The following HPS3 variants were observed in gnomAD, a reference collection of about 807,000 sequenced individuals.
HPS3 encodes the protein HPS3 biogenesis of lysosomal organelles complex 2 subunit 1, also known as BLOC-2 complex member HPS3.
In HPS3, 79 loss-of-function variants were observed where a neutral mutation model predicts 110.9. The ratio of observed to expected loss-of-function variants is 0.71; its 90% CI spans 0.59 to 0.86. HPS3 has a LOEUF of 0.86. Ranked by LOEUF, HPS3 falls within the 40% of genes least tolerant of loss-of-function variation. HPS3 has a pLI of 0.00. For missense variants in HPS3, 1,197 were observed against 1,206.2 expected (o/e 0.99, Z 0.11); for synonymous variants, 428 against 451.0 (o/e 0.95, Z 0.65).
intron 5 of HPS3, among the ~76,000 whole-genome samples, chr3:149,148,710 T>G (rs1576675769): frequency 6.6e-6 from 1 of 151,850 alleles, no homozygotes; most frequent in African/African-American, 2.4e-5. Context: ...CGGCCATTTT[T>G]TTTTTTTTGT....
intron 6 of HPS3, among the ~76,000 whole-genome samples, chr3:149,152,992 C>G (rs1232940803): frequency 6.6e-6 from 1 of 152,218 alleles, no homozygotes; most frequent in Non-Finnish European, 1.5e-5. Flanking sequence ...AACATACAAG[C>G]ATTTCTTTCA....
At chr3:149,152,966 A>T (rs553713296) in intron 6 of HPS3, among the ~76,000 whole-genome samples, 1 of 152,206 alleles carries the variant, frequency 6.6e-6, no homozygotes, top group African/African-American at 2.4e-5. Flanking sequence ...ACAGACTAAC[A>T]GTCAGGGGCC....
At chr3:149,158,874 A>G in intron 10 of HPS3, 28 bp downstream of exon 10, 4 of 1,442,750 alleles carry the variant, frequency 2.8e-6, no homozygotes, top group Non-Finnish European at 3.9e-6. Flanking sequence ...TTTTCTATCT[A>G]ATATTTTTAA....
chr3:149,149,077 C>G (rs1191023913), intron 5 of HPS3, among the ~76,000 whole-genome samples: 1 of 151,180 alleles, frequency 6.6e-6, no homozygotes, highest in African/African-American at 2.4e-5. Flanking sequence ...CCTCAGCCTC[C>G]CGAGTAGCTA....
At chr3:149,136,584 C>A (rs1404322197) in intron 1 of HPS3, among the ~76,000 whole-genome samples, 1 of 152,070 alleles carries the variant, frequency 6.6e-6, no homozygotes, top group Non-Finnish European at 1.5e-5. Context: ...TTGCCTTGGA[C>A]AAGTTACTTT....
rs747008523 is a variant in HPS3 at position 149,162,420 on chromosome 3, ATTTG to A, written c.2292+95_2292+98del. 6.6e-5 allele frequency: 84 copies of A among 1,278,496 alleles called. 2 individuals carry two copies. In the South Asian group the frequency reaches 7.7e-4, roughly 12 times the overall value. The allele number at this position is 1,278,496 out of a possible 1,614,324, so 79.2% of individuals were successfully genotyped here. On this transcript the variant is annotated intron_variant, in intron 12 of 16. Coordinates refer to ENST00000296051, the MANE Select transcript of HPS3 (RefSeq NM_032383.5). Reference sequence around the variant, plus strand: ...ACAGAATAAGAGAAGTGAGTTTTTCATTTGTTTGTTTATTGAAAAAACAGACATA... The same window carrying A: ...ACAGAATAAGAGAAGTGAGTTTTTCATTTGTTTATTGAAAAAACAGACATA...
chr3:149,169,165 C>T (rs1169468587), intron 16 of HPS3, among the ~76,000 whole-genome samples: 1 of 152,044 alleles, frequency 6.6e-6, no homozygotes, highest in Non-Finnish European at 1.5e-5. Flanking sequence ...ACATTCCTCA[C>T]CAGCAATATG....
chr3:149,173,686 T>C lies in HPS3; in HGVS notation c.*1464T>C, dbSNP rs752870603. ...GTTATGAATCATTGGTTTTTCTCTT[T>C]TTTCCACTTATCACCAATTTATTTC... On this transcript the variant is annotated 3_prime_UTR_variant, in exon 17 of 17. Transcript: ENST00000296051. 10 of 1,421,418 alleles carry C rather than the reference T, an allele frequency of 7.0e-6. No homozygotes were observed. The highest frequency in any genetic ancestry group is 8.8e-6 in the Non-Finnish European group (9 of 1,026,576). The allele number at this position is 1,421,418 out of a possible 1,614,324, so 88.1% of individuals were successfully genotyped here.
chr3:149,141,250 A>G (rs1559909624), intron 3 of HPS3, 45 bp from the exon 4 acceptor site: 1 of 1,603,698 alleles, frequency 6.2e-7, no homozygotes, highest in Non-Finnish European at 8.5e-7. Context: ...CTTAAAGTAC[A>G]TGGAAGTTAT....
At chr3:149,160,855 C>T (rs1322617242) in intron 11 of HPS3, among the ~76,000 whole-genome samples, 2 of 152,186 alleles carry the variant, frequency 1.3e-5, no homozygotes, top group African/African-American at 4.8e-5. Context: ...TTTACCAGGC[C>T]TATTCTAAGC....
At chr3:149,150,295 C>A (rs542710936) in intron 5 of HPS3, among the ~76,000 whole-genome samples, 1 of 152,102 alleles carries the variant, frequency 6.6e-6, no homozygotes, top group Non-Finnish European at 1.5e-5. Flanking sequence ...ATCCATGGTT[C>A]CTAACTAGGG....
intron 11 of HPS3, among the ~76,000 whole-genome samples, chr3:149,161,922 A>T (rs1156679658): frequency 6.6e-6 from 1 of 152,198 alleles, no homozygotes; most frequent in Non-Finnish European, 1.5e-5. Flanking sequence ...AGCTCTCTAC[A>T]AAAAATAGGA....
At position 149,158,649 on chromosome 3, in the gene HPS3, C is replaced by T; in HGVS notation, c.1692-17C>T. On this transcript the variant is annotated splice_polypyrimidine_tract_variant and intron_variant, in intron 9 of 16. Transcript: ENST00000296051. ...AAAAAGTGACAAATTTGAGGTTTTTCATTTCCTTCCCTTTAGGCTTGACTC... is the reference window on the plus strand; with the variant it reads ...AAAAAGTGACAAATTTGAGGTTTTTTATTTCCTTCCCTTTAGGCTTGACTC... 1 of 1,611,930 alleles carries T rather than the reference C, an allele frequency of 6.2e-7. No homozygotes were observed. Among genetic ancestry groups the T allele is most frequent in the Non-Finnish European group, 8.5e-7 (1 of 1,178,200 alleles).
rs1723712611 is a variant in HPS3, at chr3:149,160,403, A to G, written c.2106+124A>G. On this transcript the variant is annotated intron_variant, in intron 11 of 16. Coordinates refer to ENST00000296051, the MANE Select transcript of HPS3 (RefSeq NM_032383.5). ...TTGGTTGTAATGGAAAACAGACAATATTAGAAACAAAGTGATCCAAATGGG... is the reference window on the plus strand; with the variant it reads ...TTGGTTGTAATGGAAAACAGACAATGTTAGAAACAAAGTGATCCAAATGGG... 5.5e-6 allele frequency: 4 copies of G among 722,594 alleles called. No homozygotes were observed. In the African/African-American group the frequency reaches 7.0e-5, roughly 13 times the overall value. The allele number at this position is 722,594 out of a possible 1,614,324, so 44.8% of individuals were successfully genotyped here. A position where few individuals can be genotyped will look rare whatever the true frequency, so the allele number is the denominator to read the frequency against.
intron 5 of HPS3, among the ~76,000 whole-genome samples, chr3:149,148,262 G>A (rs1157218980): frequency 6.6e-6 from 1 of 151,984 alleles, no homozygotes; most frequent in African/African-American, 2.4e-5. Flanking sequence ...ATAGGTATAC[G>A]CCTAAAGAAA....
chr3:149,173,710 T>C lies in HPS3; in HGVS notation c.*1488T>C. On this transcript the variant is annotated 3_prime_UTR_variant, in exon 17 of 17. Coordinates refer to ENST00000296051, the MANE Select transcript of HPS3 (RefSeq NM_032383.5). ...TTTTTCCACTTATCACCAATTTATT[T>C]CATTCAGCCAGATTTGGTGTCTATA... 2.1e-6 allele frequency: 3 copies of C among 1,448,708 alleles called. No individual in the cohort carries two copies. The highest frequency in any genetic ancestry group is 2.9e-6 in the Non-Finnish European group (3 of 1,048,016). 89.7% of individuals were successfully genotyped at this position (1,448,708 alleles called of 1,614,324 possible). A position where few individuals can be genotyped will look rare whatever the true frequency, so the allele number is the denominator to read the frequency against.
rs1426469617 is a variant in HPS3 at position 149,141,386 on chromosome 3, CATGACAGTGCAGGAGT to C, written c.970+7_970+22del. 6.2e-7 allele frequency: 1 copy of C among 1,606,704 alleles called. No individual in the cohort carries two copies. The highest frequency in any genetic ancestry group is 1.1e-5 in the South Asian group (1 of 90,900). On this transcript the variant is annotated splice_region_variant and intron_variant, in intron 4 of 16. Transcript: ENST00000296051. ...GCTACCCATTTACCAGACCGGTAAG[CATGACAGTGCAGGAGT>C]GCGACAGTGCAGCAAGGTGAAAATG...
chr3:149,140,940 A>T, intron 2 of HPS3, 77 bp from the exon 3 acceptor site: 1 of 1,280,214 alleles, frequency 7.8e-7, no homozygotes, highest in Non-Finnish European at 1.1e-6. Flanking sequence ...TGAAATTACT[A>T]TATGTCTAAT....
chr3:149,149,866 A>G (rs1243214569), intron 5 of HPS3, among the ~76,000 whole-genome samples: 1 of 152,172 alleles, frequency 6.6e-6, no homozygotes, highest in Non-Finnish European at 1.5e-5. Flanking sequence ...CCAGGCATCT[A>G]TTGTGCACTT....
Sources: gnomAD v4.1 joint callset for allele counts (sites outside exome capture counted in the v4.1 genomes callset) on GRCh38, gnomAD v4.1.1 for gene constraint, MANE v1.5 for transcripts, NCBI Gene and HGNC (gene_info 2026-07-23, HGNC 2026-07-21) for gene names.